The following PRDM5 variants were observed in gnomAD, a reference collection of about 807,000 sequenced individuals.
The protein encoded by PRDM5 is PR/SET domain 5.
In PRDM5, 56 loss-of-function variants were observed where a neutral mutation model predicts 81.2. That is an observed-to-expected ratio of 0.69 (90% CI 0.56 to 0.86). PRDM5 has a LOEUF of 0.86. Among genes scored for constraint, PRDM5 ranks in the 40% least tolerant of loss-of-function variants. The pLI is 0.00. For synonymous variants in PRDM5, 267 were observed against 256.4 expected (o/e 1.04, Z -0.39); for missense variants, 697 against 770.1 (o/e 0.91, Z 1.12).
At chr4:120,791,753 G>A (rs1026543184) in intron 10 of PRDM5, among the ~76,000 whole-genome samples, 4 of 152,120 alleles carry the variant, frequency 2.6e-5, no homozygotes, top group Middle Eastern at 3.2e-3. Context: ...CATAGGTTGC[G>A]TCTTAACCCC....
intron 14 of PRDM5, among the ~76,000 whole-genome samples, chr4:120,753,254 C>T (rs1027766025): frequency 1.3e-5 from 2 of 152,146 alleles, no homozygotes; most frequent in African/African-American, 4.8e-5. Context: ...TAATTTAAAC[C>T]TCTTTCATAA....
intron 1 of PRDM5, among the ~76,000 whole-genome samples, chr4:120,914,928 CACTT>C (rs757288221): frequency 3.9e-5 from 6 of 152,164 alleles, no homozygotes; most frequent in Non-Finnish European, 5.9e-5. Flanking sequence ...CACACATTCT[CACTT>C]ACAAATGGGA....
intron 3 of PRDM5, among the ~76,000 whole-genome samples, chr4:120,852,586 G>C (rs1306273503): frequency 6.6e-6 from 1 of 151,826 alleles, no homozygotes; most frequent in African/African-American, 2.4e-5. Context: ...ACTTAAACTG[G>C]TACATCAGCA....
intron 1 of PRDM5, among the ~76,000 whole-genome samples, chr4:120,685,824 C>T (rs1560853901): frequency 6.6e-6 from 1 of 152,014 alleles, no homozygotes; most frequent in East Asian, 1.9e-4. Flanking sequence ...CCCTCCTTTT[C>T]TTTTTGTCCT....
intron 14 of PRDM5, among the ~76,000 whole-genome samples, chr4:120,723,690 T>C (rs928288103): frequency 2.0e-5 from 3 of 151,956 alleles, no homozygotes; most frequent in Admixed American, 6.6e-5. Context: ...TAAAAACATA[T>C]ATATACACAC....
At chr4:120,863,221 CACACAT>C (rs1173214315) in intron 2 of PRDM5, among the ~76,000 whole-genome samples, 43 of 144,488 alleles carry the variant, frequency 3.0e-4, no homozygotes, top group East Asian at 6.0e-4. Flanking sequence ...CACACACACA[CACACAT>C]ATATATGTAT....
intron 2 of PRDM5, among the ~76,000 whole-genome samples, chr4:120,859,646 A>C (rs890170646): frequency 3.9e-5 from 6 of 152,208 alleles, no homozygotes; most frequent in Non-Finnish European, 8.8e-5. Context: ...TGAATATTAT[A>C]AGGTAGTAGC....
At chr4:120,915,871 A>G (rs1246612230) in intron 1 of PRDM5, among the ~76,000 whole-genome samples, 2 of 152,176 alleles carry the variant, frequency 1.3e-5, no homozygotes, top group Non-Finnish European at 2.9e-5. Context: ...AAGAGGGCGA[A>G]TGGAACAAGA....
rs565635456 is a variant in PRDM5 at position 120,750,003 on chromosome 4, T to C, written c.1623+4550A>G. ...TGCTGTCCAACAGAGCTTTCTGTGG[T>C]GACCATAATGTCCTGTATCTGTGCT... On this transcript the variant is annotated intron_variant, in intron 14 of 15. Coordinates refer to ENST00000264808, the MANE Select transcript of PRDM5 (RefSeq NM_018699.4). 6.6e-5 allele frequency among the ~76,000 whole-genome samples: 10 copies of C among 152,342 alleles called. No homozygotes were observed. In the South Asian group the frequency reaches 2.1e-3, roughly 32 times the overall value.
chr4:120,846,628 C>CT (rs540848291), intron 3 of PRDM5, among the ~76,000 whole-genome samples: 1 of 152,170 alleles, frequency 6.6e-6, no homozygotes, highest in South Asian at 2.1e-4. Flanking sequence ...GAGATACTCA[C>CT]TTTCTTGGAG....
chr4:120,784,177 A>G (rs1012833836), intron 11 of PRDM5, among the ~76,000 whole-genome samples: 5 of 152,132 alleles, frequency 3.3e-5, no homozygotes, highest in African/African-American at 1.2e-4. Context: ...CAGCTTGGCA[A>G]TAACATGTTC....
chr4:120,922,563 G>C lies in PRDM5; in HGVS notation c.46C>G (p.Arg16Gly), dbSNP rs377348597. The change falls in exon 1 of 16, where the codon CGG (arginine) becomes GGG (glycine). Residue 16 changes from arginine to glycine, a missense_variant. By Grantham distance (125) the Arg-to-Gly change is moderately radical. Coordinates refer to ENST00000264808, the MANE Select transcript of PRDM5 (RefSeq NM_018699.4). ...VPDRFSLKSS[R>G]VQDGMGLYTA... ...TAGAGCCCCATGCCGTCCTGAACCC[G>C]GGAGGACTTCAGGGAGAACCTGTCC... is the stretch of plus-strand genomic sequence containing the variant. 3 of 1,611,036 alleles carry C rather than the reference G, an allele frequency of 1.9e-6. No individual in the cohort carries two copies. In the Admixed American group the frequency reaches 5.0e-5, roughly 27 times the overall value.
At chr4:120,792,796 T>C (rs1461337940) in intron 10 of PRDM5, among the ~76,000 whole-genome samples, 2 of 151,968 alleles carry the variant, frequency 1.3e-5, no homozygotes, top group Non-Finnish European at 2.9e-5. Flanking sequence ...ATAAGTGAAA[T>C]AAACCAGGCA....
rs367639907 is a variant in PRDM5 at position 120,835,295 on chromosome 4, T to C, written c.301-13950A>G. Among the ~76,000 whole-genome samples the C allele has an allele frequency of 1.1e-4, 16 of 152,282 alleles. No homozygotes were observed. In the East Asian group the frequency reaches 2.7e-3, roughly 26 times the overall value. The stretch of plus-strand genomic sequence containing the variant: ...AGCACAGTACTACTGAAGTATATAA[T>C]AGAAAACTGACCTAGTCTAGAGTTC... On this transcript the variant is annotated intron_variant, in intron 3 of 15. Coordinates refer to ENST00000264808, the MANE Select transcript of PRDM5 (RefSeq NM_018699.4).
intron 7 of PRDM5, among the ~76,000 whole-genome samples, chr4:120,813,296 T>C (rs1754086633): frequency 6.6e-6 from 1 of 152,160 alleles, no homozygotes; most frequent in Non-Finnish European, 1.5e-5. Flanking sequence ...TTGGTTTATT[T>C]CAAATATACA....
intron 2 of PRDM5, among the ~76,000 whole-genome samples, chr4:120,876,465 C>T (rs745936381): frequency 1.3e-5 from 2 of 152,130 alleles, no homozygotes; most frequent in African/African-American, 4.8e-5. Context: ...GTGTCCCTAA[C>T]CCCATTTTTC....
intron 2 of PRDM5, among the ~76,000 whole-genome samples, chr4:120,865,959 A>G (rs368791017): frequency 6.6e-6 from 1 of 152,076 alleles, no homozygotes; most frequent in East Asian, 1.9e-4. Context: ...GCATGTTATG[A>G]CAATCAATGA....
intron 2 of PRDM5, among the ~76,000 whole-genome samples, chr4:120,857,832 A>C (rs1399716183): frequency 6.6e-6 from 1 of 152,180 alleles, no homozygotes; most frequent in East Asian, 1.9e-4. Flanking sequence ...CTCAATTATT[A>C]TTTGGATGGT....
intron 10 of PRDM5, 85 bp from the exon 11 acceptor site, chr4:120,785,176 A>G (rs1004394859): frequency 4.8e-6 from 5 of 1,035,324 alleles, no homozygotes; most frequent in Non-Finnish European, 6.0e-6. Context: ...TCATGATGCG[A>G]AAGAGGAAAG....
Sources: gnomAD v4.1 joint callset for allele counts (sites outside exome capture counted in the v4.1 genomes callset) on GRCh38, gnomAD v4.1.1 for gene constraint, MANE v1.5 for transcripts, NCBI Gene and HGNC (gene_info 2026-07-23, HGNC 2026-07-21) for gene names.